The following SPTLC3 variants were observed in gnomAD, a reference collection of about 807,000 sequenced individuals.
The protein encoded by SPTLC3 is serine palmitoyltransferase 3.
Under a neutral mutation model 59.3 loss-of-function variants are expected in SPTLC3, and 36 were observed. The observed-to-expected ratio is 0.61, with a 90% CI of 0.47 to 0.80. SPTLC3 has a LOEUF of 0.80. SPTLC3 is among the 30% of genes least tolerant of loss of function. The pLI, the probability that SPTLC3 is intolerant of heterozygous loss-of-function variation, is 0.00. For synonymous variants in SPTLC3, 257 were observed against 240.8 expected, an observed-to-expected ratio of 1.07 and a Z score of -0.62; for missense variants, 625 against 685.1, an observed-to-expected ratio of 0.91 and a Z score of 0.98.
chr20:13,157,603 A>G (rs1018111960), intron 10 of SPTLC3, among the ~76,000 whole-genome samples: 3 of 152,120 alleles, frequency 2.0e-5, no homozygotes, highest in South Asian at 4.1e-4. Flanking sequence ...AAAGCAACAC[A>G]GAGTCTAATT....
intron 8 of SPTLC3, among the ~76,000 whole-genome samples, chr20:13,120,019 A>T (rs1214407048): frequency 1.3e-5 from 2 of 152,194 alleles, no homozygotes; most frequent in African/African-American, 4.8e-5. Context: ...AATTATGTTA[A>T]GTTTCATTAT....
intron 8 of SPTLC3, among the ~76,000 whole-genome samples, chr20:13,121,898 A>G (rs571514758): frequency 6.6e-6 from 1 of 152,370 alleles, no homozygotes; most frequent in Non-Finnish European, 1.5e-5. Flanking sequence ...TATTCAAACT[A>G]AGAAGGCTCA....
In SPTLC3 at chr20:13,073,780, C is replaced by G. The variant is rs566119012; in HGVS notation, c.459-569C>G. 354 of 597,026 alleles carry G rather than the reference C, an allele frequency of 5.9e-4. 5 individuals are homozygous for G. Among genetic ancestry groups the G allele is most frequent in the South Asian group, 4.8e-3 (322 of 67,566 alleles). 37.0% of individuals were successfully genotyped at this position (597,026 alleles called of 1,614,324 possible). On this transcript the variant is annotated intron_variant, in intron 3 of 11. Transcript: ENST00000399002. ...GACACGGTCCAAAGAGGGCAGCCAGCCTGCACTGGTCCTGGAGCTGTGATT... is the reference window on the plus strand; with the variant it reads ...GACACGGTCCAAAGAGGGCAGCCAGGCTGCACTGGTCCTGGAGCTGTGATT...
intron 2 of SPTLC3, among the ~76,000 whole-genome samples, chr20:13,068,083 CT>C (rs1405714894): frequency 1.3e-5 from 2 of 152,184 alleles, no homozygotes; most frequent in Non-Finnish European, 2.9e-5. Flanking sequence ...AGTTTTCTGA[CT>C]TTCCATCAAC....
chr20:13,109,608 A>C (rs1225410593), intron 6 of SPTLC3, among the ~76,000 whole-genome samples: 2 of 152,180 alleles, frequency 1.3e-5, no homozygotes, highest in African/African-American at 2.4e-5. Context: ...AAAGAGGCTT[A>C]ATTGTCCCAC....
intron 4 of SPTLC3, among the ~76,000 whole-genome samples, chr20:13,083,925 C>T (rs1037309531): frequency 1.3e-5 from 2 of 152,258 alleles, no homozygotes; most frequent in South Asian, 2.1e-4. Flanking sequence ...ATGTTGGAGA[C>T]TGAGGAGTCT....
chr20:13,037,551 CAGTT>C (rs1395164380), intron 1 of SPTLC3, among the ~76,000 whole-genome samples: 1 of 152,110 alleles, frequency 6.6e-6, no homozygotes, highest in Non-Finnish European at 1.5e-5. Flanking sequence ...GTAGTAATGA[CAGTT>C]GGACCACAGG....
chr20:13,157,132 TAGAA>T (rs1471913067), intron 10 of SPTLC3, among the ~76,000 whole-genome samples: 1 of 152,100 alleles, frequency 6.6e-6, no homozygotes, highest in Non-Finnish European at 1.5e-5. Flanking sequence ...TGCTAAGACT[TAGAA>T]AGGTCAAATT....
chr20:13,095,743 C>A (rs1989387896), intron 6 of SPTLC3, among the ~76,000 whole-genome samples: 1 of 152,052 alleles, frequency 6.6e-6, no homozygotes, highest in Non-Finnish European at 1.5e-5. Context: ...TCTAAGCTGT[C>A]CCCAGACCTT....
chr20:13,131,080 CAT>C (rs2038109290), intron 9 of SPTLC3, among the ~76,000 whole-genome samples: 1 of 152,060 alleles, frequency 6.6e-6, no homozygotes. Context: ...CTTATCTAGA[CAT>C]AGCACACATA....
intron 2 of SPTLC3, among the ~76,000 whole-genome samples, chr20:13,069,485 A>C (rs192220969): frequency 4.6e-5 from 7 of 152,272 alleles, no homozygotes; most frequent in Admixed American, 2.0e-4. Context: ...TTAGATTCTC[A>C]TAAGGATCAC....
Position 13,091,105 on chromosome 20 carries a change from G to A in SPTLC3, c.630G>A (p.Glu210=). ...CAGGCACCTTGGATAAGCACAAGGA[G>A]TTGGAGGACCTTGTGGCTAAGTTCC... ...HEMGTLDKHK[E]LEDLVAKFLN... is the part of the protein sequence containing the mutation. The change falls in exon 5 of 12, where the codon GAG becomes GAA. Residue 210 remains glutamate, a synonymous_variant. Coordinates refer to ENST00000399002, the MANE Select transcript of SPTLC3 (RefSeq NM_018327.4). 1 of 1,614,042 alleles carries A rather than the reference G, an allele frequency of 6.2e-7. No homozygotes were observed. The highest frequency in any genetic ancestry group is 8.5e-7 in the Non-Finnish European group (1 of 1,179,896).
chr20:13,117,585 G>A lies in SPTLC3; in HGVS notation c.1012G>A (p.Ala338Thr). ...KYKAYLYIDE[A>T]HSIGAVGPTG... The stretch of plus-strand genomic sequence containing the variant: ...CAAGGCTTACCTCTACATAGATGAA[G>A]CTCACAGTATTGGGGCCGTGGGCCC... Residue 338 changes from alanine to threonine, a missense_variant, in exon 8 of 12, where the codon GCT becomes ACT. Coordinates refer to ENST00000399002, the MANE Select transcript of SPTLC3 (RefSeq NM_018327.4). The A allele has an allele frequency of 6.2e-7, 1 of 1,613,918 alleles. No individual in the cohort carries two copies. The highest frequency in any genetic ancestry group is 8.5e-7 in the Non-Finnish European group (1 of 1,179,884).
chr20:13,150,992 T>C (rs897010681), intron 9 of SPTLC3, among the ~76,000 whole-genome samples: 8 of 152,220 alleles, frequency 5.3e-5, no homozygotes, highest in African/African-American at 1.9e-4. Context: ...GCATCCCAGT[T>C]GCAATTTTAC....
intron 3 of SPTLC3, chr20:13,073,594 G>T: frequency 4.3e-6 from 1 of 232,276 alleles, no homozygotes; most frequent in Non-Finnish European, 8.7e-6. Flanking sequence ...GAATAATAGT[G>T]GGTAGGAGTT....
chr20:13,079,210 G>A lies in SPTLC3; in HGVS notation c.607+4713G>A, dbSNP rs73610448. On this transcript the variant is annotated intron_variant, in intron 4 of 11. Coordinates refer to ENST00000399002, the MANE Select transcript of SPTLC3 (RefSeq NM_018327.4). ...TATTAATTCTTCCCCAAACAAATAC[G>A]TAAATTGAACACAAGCTCAACAGGC... is the stretch of plus-strand genomic sequence containing the variant. Among the ~76,000 whole-genome samples, 582 of 152,248 alleles carry A rather than the reference G, an allele frequency of 3.8e-3. 11 individuals are homozygous for A. In the East Asian group the frequency reaches 0.073, roughly 19 times the overall value.
intron 9 of SPTLC3, among the ~76,000 whole-genome samples, chr20:13,129,692 C>G (rs938823703): frequency 6.6e-6 from 1 of 152,212 alleles, no homozygotes; most frequent in Non-Finnish European, 1.5e-5. Flanking sequence ...CTTCCCTCCT[C>G]CGATTGGTTC....
intron 8 of SPTLC3, among the ~76,000 whole-genome samples, chr20:13,124,013 T>A (rs1162040887): frequency 2.6e-5 from 4 of 152,126 alleles, no homozygotes; most frequent in African/African-American, 9.7e-5. Flanking sequence ...TGCTGTCTCT[T>A]TGAGGCACCT....
chr20:13,100,911 C>T (rs1251958804), intron 6 of SPTLC3, among the ~76,000 whole-genome samples: 1 of 152,132 alleles, frequency 6.6e-6, no homozygotes, highest in Non-Finnish European at 1.5e-5. Flanking sequence ...AGCAGCAGAC[C>T]TTGAGACACG....
Sources: gnomAD v4.1 joint callset for allele counts (sites outside exome capture counted in the v4.1 genomes callset) on GRCh38, gnomAD v4.1.1 for gene constraint, MANE v1.5 for transcripts, NCBI Gene and HGNC (gene_info 2026-07-23, HGNC 2026-07-21) for gene names.